Variants in TRDN observed in about 807,000 individuals in gnomAD.
The protein encoded by TRDN is triadin, also known as triadin in skeletal muscle.
TRDN carries 161 observed loss-of-function variants against 149.7 expected under a neutral mutation model. The ratio of observed to expected loss-of-function variants is 1.08; its 90% CI spans 0.95 to 1.23. TRDN has a LOEUF of 1.23. TRDN is among the 50% of genes most tolerant of loss of function. The pLI is 0.00. For missense variants in TRDN, 896 were observed against 823.5 expected (o/e 1.09, Z -1.08); for synonymous variants, 294 against 250.5 (o/e 1.17, Z -1.64).
intron 19 of TRDN, among the ~76,000 whole-genome samples, chr6:123,372,048 A>G (rs2114381433): frequency 6.6e-6 from 1 of 152,234 alleles, no homozygotes; most frequent in Admixed American, 6.5e-5. Flanking sequence ...ATCAACCAAG[A>G]TTATATTTGG....
At chr6:123,550,491 A>T (rs1781328019) in intron 2 of TRDN, among the ~76,000 whole-genome samples, 1 of 152,172 alleles carries the variant, frequency 6.6e-6, no homozygotes, top group South Asian at 2.1e-4. Context: ...GAGCAATTTC[A>T]GTGGAGTGCA....
chr6:123,263,853 G>C (rs1776851686), intron 33 of TRDN, among the ~76,000 whole-genome samples: 1 of 151,994 alleles, frequency 6.6e-6, no homozygotes, highest in South Asian at 2.1e-4. Flanking sequence ...AATCTACTCT[G>C]CCTGTGTTCT....
At chr6:123,378,453 A>T (rs1382190648) in intron 16 of TRDN, among the ~76,000 whole-genome samples, 2 of 136,380 alleles carry the variant, frequency 1.5e-5, no homozygotes, top group Non-Finnish European at 3.1e-5. Flanking sequence ...CCAGATTTGT[A>T]GTGTGTGTGT....
At chr6:123,511,860 C>T (rs553161108) in intron 7 of TRDN, among the ~76,000 whole-genome samples, 110 of 152,296 alleles carry the variant, frequency 7.2e-4, no homozygotes, top group African/African-American at 2.6e-3. Context: ...GGCAAAAGTA[C>T]TCATACTTCA....
At chr6:123,457,889 C>A (rs1164502868) in intron 10 of TRDN, among the ~76,000 whole-genome samples, 1 of 152,180 alleles carries the variant, frequency 6.6e-6, no homozygotes, top group African/African-American at 2.4e-5. Context: ...GTTTCCCAAG[C>A]CTCCGCCATC....
At chr6:123,244,422 A>G (rs1776101283) in intron 38 of TRDN, among the ~76,000 whole-genome samples, 2 of 152,172 alleles carry the variant, frequency 1.3e-5, no homozygotes, top group Admixed American at 1.3e-4. Flanking sequence ...GAGCCGAAAA[A>G]CACAGCACGA....
chr6:123,557,804 C>A (rs943296501), intron 2 of TRDN, among the ~76,000 whole-genome samples: 4 of 148,912 alleles, frequency 2.7e-5, no homozygotes, highest in African/African-American at 9.9e-5. Context: ...GGGGCAAGCA[C>A]CCCCCCCACC....
chr6:123,424,712 C>G (rs1774044446), intron 12 of TRDN, among the ~76,000 whole-genome samples: 2 of 152,142 alleles, frequency 1.3e-5, no homozygotes, highest in Non-Finnish European at 2.9e-5. Flanking sequence ...CAGTTAATGG[C>G]TTTGCTGCAT....
chr6:123,409,651 A>T (rs983447754), intron 12 of TRDN, among the ~76,000 whole-genome samples: 1 of 151,930 alleles, frequency 6.6e-6, no homozygotes, highest in African/African-American at 2.4e-5. Context: ...ACTTCACAAA[A>T]TGTGCCTTGC....
At chr6:123,278,264 G>T in intron 26 of TRDN, 54 bp downstream of exon 26, 1 of 1,155,828 alleles carries the variant, frequency 8.7e-7, no homozygotes, top group South Asian at 1.5e-5. Flanking sequence ...GAGATATTGT[G>T]CTATTTATTC....
At chr6:123,439,798 T>C (rs1774772666) in intron 10 of TRDN, 1 of 152,240 alleles carries the variant, frequency 6.6e-6, no homozygotes, top group African/African-American at 2.4e-5. Context: ...TCATTTTAGA[T>C]AACAAAGTCC....
chr6:123,561,843 G>A lies in TRDN; in HGVS notation c.232+9080C>T, dbSNP rs559021006. 5.3e-5 allele frequency among the ~76,000 whole-genome samples: 8 copies of A among 151,782 alleles called. No individual in the cohort carries two copies. In the East Asian group the frequency reaches 1.4e-3, roughly 26 times the overall value. ...TCTCGAAGCAGCCCTGTGAAACATC[G>A]CTCATTATCTTTCCATACCACCCCC... On this transcript the variant is annotated intron_variant, in intron 2 of 40. Coordinates refer to ENST00000334268, the MANE Select transcript of TRDN (RefSeq NM_006073.4).
intron 24 of TRDN, among the ~76,000 whole-genome samples, chr6:123,296,612 G>C (rs1474324100): frequency 6.6e-6 from 1 of 152,018 alleles, no homozygotes; most frequent in Non-Finnish European, 1.5e-5. Context: ...CTTCTGAGCT[G>C]TGTATGAATT....
At chr6:123,370,439 TG>T (rs1781281844) in intron 19 of TRDN, among the ~76,000 whole-genome samples, 1 of 152,232 alleles carries the variant, frequency 6.6e-6, no homozygotes. Context: ...TAACTTTAAC[TG>T]CTGTCTAGCA....
chr6:123,558,669 T>G (rs1398130435), intron 2 of TRDN, among the ~76,000 whole-genome samples: 2 of 152,148 alleles, frequency 1.3e-5, no homozygotes, highest in African/African-American at 4.8e-5. Flanking sequence ...CTCCCGACAT[T>G]AAATAAGACT....
chr6:123,561,154 C>T (rs1781972616), intron 2 of TRDN, among the ~76,000 whole-genome samples: 1 of 152,154 alleles, frequency 6.6e-6, no homozygotes, highest in African/African-American at 2.4e-5. Context: ...TTCTGTGAGA[C>T]ATAATTCCTC....
At chr6:123,345,143 A>G (rs1006022379) in intron 21 of TRDN, among the ~76,000 whole-genome samples, 1 of 151,842 alleles carries the variant, frequency 6.6e-6, no homozygotes, top group Non-Finnish European at 1.5e-5. Flanking sequence ...TAAATCTTCT[A>G]TGTTATTTCC....
intron 2 of TRDN, among the ~76,000 whole-genome samples, chr6:123,553,258 T>C (rs1177362299): frequency 6.6e-6 from 1 of 152,114 alleles, no homozygotes. Context: ...GTTTCCAGCA[T>C]TCCCTGATGC....
intron 29 of TRDN, 23 bp from the exon 30 acceptor site, chr6:123,271,209 C>A (rs1262180494): frequency 1.3e-6 from 2 of 1,499,670 alleles, no homozygotes; most frequent in African/African-American, 2.8e-5. Context: ...AAAATGTTAA[C>A]ACAAGTAGGA....
Sources: gnomAD v4.1 joint callset for allele counts (sites outside exome capture counted in the v4.1 genomes callset) on GRCh38, gnomAD v4.1.1 for gene constraint, MANE v1.5 for transcripts, NCBI Gene and HGNC (gene_info 2026-07-23, HGNC 2026-07-21) for gene names.